Variants in NELL1 observed in about 807,000 individuals in gnomAD.
NELL1 encodes neural EGFL like 1.
NELL1 carries 76 observed loss-of-function variants against 107.4 expected under a neutral mutation model. The observed-to-expected ratio is 0.71, with a 90% CI of 0.59 to 0.86. The LOEUF (loss-of-function observed/expected upper bound fraction) is 0.86. NELL1 is among the 40% of genes least tolerant of loss of function. The pLI is 0.00. For synonymous variants in NELL1, 353 were observed against 341.2 expected (o/e 1.03, Z -0.38); for missense variants, 1,024 against 1,005.5 (o/e 1.02, Z -0.25).
At chr11:21,569,705 G>T (rs890585163) in intron 17 of NELL1, among the ~76,000 whole-genome samples, 5 of 151,812 alleles carry the variant, frequency 3.3e-5, no homozygotes, top group African/African-American at 7.2e-5. Context: ...TCAATGGATA[G>T]AAGTAATGAG....
At chr11:21,087,471 AT>A (rs1448500782) in intron 12 of NELL1, among the ~76,000 whole-genome samples, 3 of 152,162 alleles carry the variant, frequency 2.0e-5, no homozygotes, top group Non-Finnish European at 4.4e-5. Context: ...TTTATTCTCT[AT>A]TTTTCTATTA....
At chr11:21,560,921 G>A (rs936778770) in intron 17 of NELL1, among the ~76,000 whole-genome samples, 7 of 151,944 alleles carry the variant, frequency 4.6e-5, no homozygotes, top group African/African-American at 1.7e-4. Context: ...TCTCAGTGCT[G>A]GGCCATTCCT....
intron 14 of NELL1, among the ~76,000 whole-genome samples, chr11:21,343,394 C>T (rs1398504473): frequency 6.6e-6 from 1 of 152,120 alleles, no homozygotes; most frequent in Non-Finnish European, 1.5e-5. Flanking sequence ...CTTTCTTCAC[C>T]TAGCCTACTC....
chr11:21,325,538 C>G (rs1052788483), intron 14 of NELL1, among the ~76,000 whole-genome samples: 2 of 150,238 alleles, frequency 1.3e-5, no homozygotes, highest in African/African-American at 4.8e-5. Context: ...TAAGGTGAAC[C>G]TTTTCATTGC....
At chr11:21,197,519 G>A (rs1267430714) in intron 13 of NELL1, among the ~76,000 whole-genome samples, 1 of 151,990 alleles carries the variant, frequency 6.6e-6, no homozygotes, top group Non-Finnish European at 1.5e-5. Context: ...ACTGGATGTA[G>A]AATTTGGTGA....
intron 5 of NELL1, among the ~76,000 whole-genome samples, chr11:20,895,131 G>GCGTA (rs1849699643): frequency 6.9e-6 from 1 of 143,930 alleles, no homozygotes. Context: ...AATTAGCCGG[G>GCGTA]CGTAGTGGCG....
intron 2 of NELL1, among the ~76,000 whole-genome samples, chr11:20,707,642 C>T (rs1268388456): frequency 6.6e-6 from 1 of 152,188 alleles, no homozygotes; most frequent in Non-Finnish European, 1.5e-5. Flanking sequence ...CCATTCCAGA[C>T]CCTGTTTGCC....
At chr11:21,443,487 T>G (rs1200439790) in intron 15 of NELL1, among the ~76,000 whole-genome samples, 1 of 151,646 alleles carries the variant, frequency 6.6e-6, no homozygotes, top group African/African-American at 2.4e-5. Context: ...ATAAAGAGCT[T>G]CTGGTGAGAA....
chr11:20,752,512 G>C (rs1856164193), intron 2 of NELL1, among the ~76,000 whole-genome samples: 1 of 152,142 alleles, frequency 6.6e-6, no homozygotes, highest in African/African-American at 2.4e-5. Context: ...TCGCACCATT[G>C]CACTCCAGCC....
At chr11:21,377,792 C>G (rs1429735261) in intron 15 of NELL1, among the ~76,000 whole-genome samples, 2 of 152,068 alleles carry the variant, frequency 1.3e-5, no homozygotes, top group African/African-American at 4.8e-5. Context: ...AGGAATTCAT[C>G]CATTTCCTCT....
intron 12 of NELL1, among the ~76,000 whole-genome samples, chr11:21,080,391 C>T (rs997209264): frequency 1.3e-4 from 19 of 151,878 alleles, no homozygotes; most frequent in South Asian, 2.1e-4. Flanking sequence ...AAAATATGTA[C>T]GTATAGATTT....
At chr11:20,921,075 TTTGGGCCTTGC>T (rs1312838927) in intron 7 of NELL1, among the ~76,000 whole-genome samples, 2 of 152,082 alleles carry the variant, frequency 1.3e-5, no homozygotes, top group Non-Finnish European at 2.9e-5. Context: ...GCTAGTAAAT[TTTGGGCCTTGC>T]AAGCCAAGAG....
intron 3 of NELL1, among the ~76,000 whole-genome samples, chr11:20,805,464 G>T (rs1212950175): frequency 6.6e-6 from 1 of 151,792 alleles, no homozygotes. Context: ...TTTTTTGTGT[G>T]TATCTGCTGT....
chr11:20,854,367 A>G (rs1161084053), intron 4 of NELL1, among the ~76,000 whole-genome samples: 1 of 152,074 alleles, frequency 6.6e-6, no homozygotes, highest in Non-Finnish European at 1.5e-5. Context: ...TCCTGATTCT[A>G]TCTCATCACA....
intron 12 of NELL1, among the ~76,000 whole-genome samples, chr11:21,056,935 T>C (rs981627757): frequency 1.3e-5 from 2 of 152,162 alleles, no homozygotes; most frequent in South Asian, 2.1e-4. Context: ...ACAGCCTGTA[T>C]TATGACAGTG....
intron 12 of NELL1, among the ~76,000 whole-genome samples, chr11:21,007,031 C>A (rs898027130): frequency 2.0e-4 from 30 of 151,994 alleles, no homozygotes; most frequent in African/African-American, 7.2e-4. Context: ...AATCTAGAAG[C>A]AAATGTTGGC....
intron 11 of NELL1, among the ~76,000 whole-genome samples, chr11:20,949,780 A>G (rs1228679447): frequency 6.6e-6 from 1 of 152,172 alleles, no homozygotes; most frequent in Non-Finnish European, 1.5e-5. Context: ...AGTGGCATTT[A>G]CCAAACCTGA....
chr11:20,956,306 A>G (rs116045103), intron 11 of NELL1, among the ~76,000 whole-genome samples: 1,537 of 152,276 alleles, frequency 0.01, 32 homozygotes, highest in African/African-American at 0.035. Context: ...TGAACCCTGT[A>G]TAACAACTCA....
chr11:21,440,830 C>T (rs1262401294), intron 15 of NELL1, among the ~76,000 whole-genome samples: 1 of 152,002 alleles, frequency 6.6e-6, no homozygotes, highest in Non-Finnish European at 1.5e-5. Flanking sequence ...TGTGAGAGTA[C>T]TTTTTGCAGA....
Sources: gnomAD v4.1 joint callset for allele counts (sites outside exome capture counted in the v4.1 genomes callset) on GRCh38, gnomAD v4.1.1 for gene constraint, MANE v1.5 for transcripts, NCBI Gene and HGNC (gene_info 2026-07-23, HGNC 2026-07-21) for gene names.